The following OR5AS1 variants were observed in gnomAD, a reference collection of about 807,000 sequenced individuals.
OR5AS1 encodes olfactory receptor 5AS1.
For missense variants in OR5AS1, 492 were observed against 378.2 expected, an observed-to-expected ratio of 1.30 and a Z score of -2.50; for synonymous variants, 196 against 141.7, an observed-to-expected ratio of 1.38 and a Z score of -2.72.
At position 56,031,200 on chromosome 11, in the gene OR5AS1, AG is replaced by A; in HGVS notation, c.783del (p.Gln261HisfsTer8). 6.2e-7 allele frequency: 1 copy of A among 1,613,814 alleles called. No individual in the cohort carries two copies. The highest frequency in any genetic ancestry group is 8.5e-7 in the Non-Finnish European group (1 of 1,179,812). On this transcript the variant is annotated frameshift_variant, in exon 2 of 2. Coordinates refer to ENST00000641320, the MANE Select transcript of OR5AS1 (RefSeq NM_001001921.2). LOFTEE classifies it low-confidence loss of function (END_TRUNC). ...FYGALLFMYL[Q>X]PTTSYSLDTD... is the part of the protein sequence containing the mutation. The stretch of plus-strand genomic sequence containing the variant: ...GGAGCGCTCCTGTTTATGTACTTAC[AG>A]CCCACCACTAGCTATTCCCTAGACA...
In OR5AS1 at chr11:56,037,967, A is replaced by T. The variant is rs1308839059; in HGVS notation, c.*6574A>T. The T allele has an allele frequency of 1.3e-5, 2 of 152,224 alleles. No homozygotes were observed. The highest frequency in any genetic ancestry group is 4.8e-5 in the African/African-American group (2 of 41,502). The allele number at this position is 152,224 out of a possible 1,614,324, so 9.4% of individuals were successfully genotyped here. On this transcript the variant is annotated 3_prime_UTR_variant, in exon 2 of 2. Transcript: ENST00000641320. ...ATAGAGGCCTCACAAATAACACCAC[A>T]CATCTACAACCATCTGATCTTTGAC...
At chr11:56,029,265 C>A (rs921412945) in intron 1 of OR5AS1, among the ~76,000 whole-genome samples, 1 of 152,008 alleles carries the variant, frequency 6.6e-6, no homozygotes, top group East Asian at 1.9e-4. Context: ...ATATTCCATT[C>A]GCATTGTATT....
In OR5AS1 at chr11:56,033,999, C is replaced by G. The variant is rs1853378744; in HGVS notation, c.*2606C>G. The G allele has an allele frequency of 6.6e-6, 1 of 152,488 alleles. No individual in the cohort carries two copies. The highest frequency in any genetic ancestry group is 2.4e-5 in the African/African-American group (1 of 41,356). The allele number at this position is 152,488 out of a possible 1,614,324, so 9.4% of individuals were successfully genotyped here. On this transcript the variant is annotated 3_prime_UTR_variant, in exon 2 of 2. Coordinates refer to ENST00000641320, the MANE Select transcript of OR5AS1 (RefSeq NM_001001921.2). ...GGGTCTGGAGTGGATCTCCAGCAAACTCCAGCAGACCTGCAGCAGAGGGGC... is the reference window on the plus strand; with the variant it reads ...GGGTCTGGAGTGGATCTCCAGCAAAGTCCAGCAGACCTGCAGCAGAGGGGC...
At position 56,030,758 on chromosome 11, in the gene OR5AS1, A is replaced by G; in HGVS notation, c.340A>G (p.Ile114Val). 1 of 1,613,606 alleles carries G rather than the reference A, an allele frequency of 6.2e-7. No homozygotes were observed. The highest frequency in any genetic ancestry group is 8.5e-7 in the Non-Finnish European group (1 of 1,179,652). Residue 114 changes from isoleucine (I) to valine (V), a missense_variant, in exon 2 of 2, where the codon ATC (isoleucine) becomes GTC (valine). By Grantham distance (29) the Ile-to-Val change is conservative (BLOSUM62 3). Transcript: ENST00000641320. ...TTCTTTTGCTGATGCTGAGTGCCTT[A>G]TCCTGGCAGCAATGGCTTATGACCG... Reference protein sequence around the residue: ...FASFADAECLILAAMAYDRYA... With the variant: ...FASFADAECLVLAAMAYDRYA...
rs1451820154 is a variant in OR5AS1 at position 56,030,371 on chromosome 11, C to T, written c.-28-20C>T. Reference sequence around the variant, plus strand: ...TTCATCCATAACTCAAGTTAACTCACATCTGCTGATACTACCTAGGTCCAG... The same window carrying T: ...TTCATCCATAACTCAAGTTAACTCATATCTGCTGATACTACCTAGGTCCAG... On this transcript the variant is annotated intron_variant, in intron 1 of 1. Transcript: ENST00000641320. 1.5e-6 allele frequency: 2 copies of T among 1,290,962 alleles called. No homozygotes were observed. The highest frequency in any genetic ancestry group is 2.0e-6 in the Non-Finnish European group (2 of 979,122). 80.0% of individuals were successfully genotyped at this position (1,290,962 alleles called of 1,614,324 possible).
At position 56,031,309 on chromosome 11, in the gene OR5AS1, G is replaced by A. The variant is rs1565026622; in HGVS notation, c.891G>A (p.Val297=). ...PIIYSFRNKD[V]KNALKKLLER... ...TTTATAGTTTCAGAAACAAGGATGT[G>A]AAAAATGCTCTCAAAAAGCTATTAG... is the stretch of plus-strand genomic sequence containing the variant. The change falls in exon 2 of 2, where the codon GTG becomes GTA. Residue 297 remains valine (V), a synonymous_variant. Coordinates refer to ENST00000641320, the MANE Select transcript of OR5AS1 (RefSeq NM_001001921.2). The A allele has an allele frequency of 6.2e-7, 1 of 1,605,006 alleles. No homozygotes were observed. The highest frequency in any genetic ancestry group is 8.5e-7 in the Non-Finnish European group (1 of 1,176,226).
Position 56,030,443 on chromosome 11 carries a change from C to G in OR5AS1, c.25C>G (p.Pro9Ala), listed in dbSNP as rs1853334964. 2.0e-6 allele frequency: 3 copies of G among 1,489,690 alleles called. No homozygotes were observed. Among genetic ancestry groups the G allele is most frequent in the South Asian group, 1.5e-5 (1 of 66,610 alleles). 92.3% of individuals were successfully genotyped at this position (1,489,690 alleles called of 1,614,324 possible). A position where few individuals can be genotyped will look rare whatever the true frequency, so the allele number is the denominator to read the frequency against. ...GATGTTGGAGAGTAATTACACCATG[C>G]CAACTGAGTTCCTATTTGTTGGATT... MLESNYTM[P>A]TEFLFVGFTD... Residue 9 changes from proline to alanine, a missense_variant, in exon 2 of 2, where the codon CCA (proline) becomes GCA (alanine). Pro to Ala is a conservative substitution (Grantham distance 27). Transcript: ENST00000641320.
rs1018398116 is a variant in OR5AS1 at position 56,036,811 on chromosome 11, C to G, written c.*5418C>G. On this transcript the variant is annotated 3_prime_UTR_variant, in exon 2 of 2. Transcript: ENST00000641320. ...CTGATATGAAAACCTGGCAGAGACA[C>G]AGCAAAAAAAGAACATGCCAGGCCA... is the stretch of plus-strand genomic sequence containing the variant. 3.4e-4 allele frequency: 51 copies of G among 151,994 alleles called. 1 individual carries two copies. Among genetic ancestry groups the G allele is most frequent in the African/African-American group, 1.2e-3 (51 of 41,342 alleles). The allele number at this position is 151,994 out of a possible 1,614,324, so 9.4% of individuals were successfully genotyped here. A position where few individuals can be genotyped will look rare whatever the true frequency, so the allele number is the denominator to read the frequency against.
Position 56,037,834 on chromosome 11 carries a change from A to T in OR5AS1, c.*6441A>T, listed in dbSNP as rs1393408094. On this transcript the variant is annotated 3_prime_UTR_variant, in exon 2 of 2. Transcript: ENST00000641320. ...CCAGGCAATCCTAAGCAAAAAGAAC[A>T]AAGCTGGAGGCATCATGCTACCTGG... is the stretch of plus-strand genomic sequence containing the variant. 1.3e-5 allele frequency: 2 copies of T among 152,124 alleles called. No homozygotes were observed. The highest frequency in any genetic ancestry group is 2.9e-5 in the Non-Finnish European group (2 of 68,048). 9.4% of individuals were successfully genotyped at this position (152,124 alleles called of 1,614,324 possible).
chr11:56,027,931 AT>A (rs34201630), intron 1 of OR5AS1, among the ~76,000 whole-genome samples: 24,651 of 151,822 alleles, frequency 0.16, 2,153 homozygotes, highest in African/African-American at 0.18. Context: ...AGAAAAAAAA[AT>A]GTCACGCCCA....
chr11:56,028,841 C>T (rs1377498880), intron 1 of OR5AS1, among the ~76,000 whole-genome samples: 1 of 151,920 alleles, frequency 6.6e-6, no homozygotes, highest in African/African-American at 2.4e-5. Flanking sequence ...CCTGTGTATT[C>T]GATTTAGCCA....
At position 56,032,850 on chromosome 11, in the gene OR5AS1, A is replaced by G. The variant is rs1341824420; in HGVS notation, c.*1457A>G. 1 of 152,110 alleles carries G rather than the reference A, an allele frequency of 6.6e-6. No homozygotes were observed. Among genetic ancestry groups the G allele is most frequent in the African/African-American group, 2.4e-5 (1 of 41,362 alleles). The allele number at this position is 152,110 out of a possible 1,614,324, so 9.4% of individuals were successfully genotyped here. A position where few individuals can be genotyped will look rare whatever the true frequency, so the allele number is the denominator to read the frequency against. On this transcript the variant is annotated 3_prime_UTR_variant, in exon 2 of 2. Transcript: ENST00000641320. The stretch of plus-strand genomic sequence containing the variant: ...GTGGCTGGCAAGATGGTCAAATAGG[A>G]GATGCTCCAGTCTGCTGCTCCCAGC...
rs1190644393 is a variant in OR5AS1, at chr11:56,032,807, A to G, written c.*1414A>G. On this transcript the variant is annotated 3_prime_UTR_variant, in exon 2 of 2. Transcript: ENST00000641320. ...CACAAATTTTTAGATTTCTCAGTGCATATCATAGTTATGTTTGGTGGCTGG... is the reference window on the plus strand; with the variant it reads ...CACAAATTTTTAGATTTCTCAGTGCGTATCATAGTTATGTTTGGTGGCTGG... The G allele has an allele frequency of 1.3e-5, 2 of 152,292 alleles. No individual in the cohort carries two copies. The highest frequency in any genetic ancestry group is 4.1e-4 in the South Asian group (2 of 4,832). 9.4% of individuals were successfully genotyped at this position (152,292 alleles called of 1,614,324 possible). A position where few individuals can be genotyped will look rare whatever the true frequency, so the allele number is the denominator to read the frequency against.
At chr11:56,028,241 C>T (rs906849022) in intron 1 of OR5AS1, among the ~76,000 whole-genome samples, 4 of 151,822 alleles carry the variant, frequency 2.6e-5, no homozygotes, top group Non-Finnish European at 5.9e-5. Flanking sequence ...AGCATACCAA[C>T]CTCTGTAAAG....
Position 56,031,054 on chromosome 11 carries a change from G to A in OR5AS1, c.636G>A (p.Val212=), listed in dbSNP as rs1045702043. Residue 212 remains valine (V), a synonymous_variant, in exon 2 of 2, where the codon GTG becomes GTA. Transcript: ENST00000641320. ...LCSFIQTSTF[V]VIFISYFCIL... Reference sequence around the variant, plus strand: ...GCTTCATCCAGACCAGCACTTTTGTGGTAATATTTATTTCTTACTTCTGCA... The same window carrying A: ...GCTTCATCCAGACCAGCACTTTTGTAGTAATATTTATTTCTTACTTCTGCA... 1 of 1,614,018 alleles carries A rather than the reference G, an allele frequency of 6.2e-7. No homozygotes were observed. The highest frequency in any genetic ancestry group is 8.5e-7 in the Non-Finnish European group (1 of 1,179,990).
intron 1 of OR5AS1, among the ~76,000 whole-genome samples, chr11:56,029,321 A>AT (rs1387951378): frequency 1.3e-5 from 2 of 151,682 alleles, no homozygotes; most frequent in Non-Finnish European, 2.9e-5. Context: ...TTATTTTTTC[A>AT]TTTTTCCATA....
rs185571634 is a variant in OR5AS1, at chr11:56,038,158, C to A, written c.*6765C>A. ...AGACTTAAACATAAAACCATCAACA[C>A]GCTGAACCATGCACTTGCCTTGCTA... On this transcript the variant is annotated 3_prime_UTR_variant, in exon 2 of 2. Coordinates refer to ENST00000641320, the MANE Select transcript of OR5AS1 (RefSeq NM_001001921.2). The A allele has an allele frequency of 1.3e-5, 2 of 152,022 alleles. No individual in the cohort carries two copies. Among genetic ancestry groups the A allele is most frequent in the Admixed American group, 1.3e-4 (2 of 15,250 alleles). The allele number at this position is 152,022 out of a possible 1,614,324, so 9.4% of individuals were successfully genotyped here.
chr11:56,032,098 AG>A lies in OR5AS1; in HGVS notation c.*706del, dbSNP rs375543275. On this transcript the variant is annotated 3_prime_UTR_variant, in exon 2 of 2. Transcript: ENST00000641320. ...GTTCTCAAGAAATTAGAAGACATGT[AG>A]CAATAGTCTCATTATTATTAAGTCA... 9.8e-5 allele frequency: 15 copies of A among 152,292 alleles called. No individual in the cohort carries two copies. Among genetic ancestry groups the A allele is most frequent in the African/African-American group, 3.6e-4 (15 of 41,532 alleles). The allele number at this position is 152,292 out of a possible 1,614,324, so 9.4% of individuals were successfully genotyped here.
chr11:56,028,117 A>T lies in OR5AS1; in HGVS notation c.-29+405A>T, dbSNP rs376843414. Among the ~76,000 whole-genome samples, 6 of 152,052 alleles carry T rather than the reference A, an allele frequency of 3.9e-5. No homozygotes were observed. The South Asian group carries it at 1.2e-3, about 31-fold the overall frequency. On this transcript the variant is annotated intron_variant, in intron 1 of 1. Transcript: ENST00000641320. ...AATTGTTTGTGTTTGTTCATATAAA[A>T]ACAAACTAGGAGAATTTGTCATTTC...
Sources: gnomAD v4.1 joint callset for allele counts (sites outside exome capture counted in the v4.1 genomes callset) on GRCh38, gnomAD v4.1.1 for gene constraint, MANE v1.5 for transcripts, NCBI Gene and HGNC (gene_info 2026-07-23, HGNC 2026-07-21) for gene names.